RHOJ: variants seen among roughly 807,000 people sequenced by gnomAD.
RHOJ encodes the protein ras homolog family member J, also known as rho-related GTP-binding protein RhoJ.
In RHOJ, 11 loss-of-function variants were observed where a neutral mutation model predicts 23.4. The observed-to-expected ratio is 0.47, with a 90% CI of 0.30 to 0.78. The LOEUF is 0.78. Ranked by LOEUF, RHOJ falls within the 30% of genes least tolerant of loss-of-function variation. The probability of loss-of-function intolerance (pLI) is 0.08; values close to 1 mark genes in which losing one functional copy is unlikely to be tolerated. For missense variants in RHOJ, 254 were observed against 273.4 expected (o/e 0.93, Z 0.50); for synonymous variants, 102 against 102.7 (o/e 0.99, Z 0.04).
chr14:63,274,839 A>G (rs948476668), intron 2 of RHOJ, among the ~76,000 whole-genome samples: 1 of 152,166 alleles, frequency 6.6e-6, no homozygotes, highest in African/African-American at 2.4e-5. Context: ...CACACTATAC[A>G]TGGTGCCCAC....
At chr14:63,288,816 G>A (rs1161082582) in intron 4 of RHOJ, among the ~76,000 whole-genome samples, 1 of 152,184 alleles carries the variant, frequency 6.6e-6, no homozygotes. Flanking sequence ...GAGAGTTTAG[G>A]AAATAGTGTC....
At chr14:63,261,208 A>G (rs1895266265) in intron 1 of RHOJ, among the ~76,000 whole-genome samples, 1 of 151,926 alleles carries the variant, frequency 6.6e-6, no homozygotes, top group Non-Finnish European at 1.5e-5. Context: ...TTCTTTGTAA[A>G]TTGTCTATAT....
chr14:63,250,669 C>G (rs925195834), intron 1 of RHOJ, among the ~76,000 whole-genome samples: 2 of 152,194 alleles, frequency 1.3e-5, no homozygotes, highest in African/African-American at 4.8e-5. Flanking sequence ...CTTGCACACT[C>G]AACTTACTGC....
intron 1 of RHOJ, among the ~76,000 whole-genome samples, chr14:63,246,501 A>G (rs1894978483): frequency 1.3e-5 from 2 of 152,164 alleles, no homozygotes; most frequent in Non-Finnish European, 2.9e-5. Context: ...TTCTTGGAAA[A>G]ATTACAAAAC....
At chr14:63,240,934 G>A (rs1048057998) in intron 1 of RHOJ, among the ~76,000 whole-genome samples, 1 of 152,210 alleles carries the variant, frequency 6.6e-6, no homozygotes, top group Non-Finnish European at 1.5e-5. Context: ...GTTCAACAGT[G>A]GACTAAGTAT....
intron 4 of RHOJ, among the ~76,000 whole-genome samples, chr14:63,285,506 A>G (rs529551928): frequency 1.3e-5 from 2 of 152,158 alleles, no homozygotes; most frequent in South Asian, 2.1e-4. Flanking sequence ...TCCACCTAAC[A>G]TCTCTTTTTG....
intron 1 of RHOJ, among the ~76,000 whole-genome samples, chr14:63,253,179 G>C (rs371361921): frequency 3.9e-5 from 6 of 152,316 alleles, no homozygotes; most frequent in Middle Eastern, 3.4e-3. Context: ...TATCGGTCCT[G>C]AGCCTAAGGC....
intron 1 of RHOJ, among the ~76,000 whole-genome samples, chr14:63,217,308 A>G (rs544608660): frequency 6.9e-6 from 1 of 145,608 alleles, no homozygotes; most frequent in African/African-American, 2.5e-5. Flanking sequence ...TCATTGTTCA[A>G]TTCCCACCTA....
intron 2 of RHOJ, among the ~76,000 whole-genome samples, chr14:63,279,085 T>A (rs1881819187): frequency 6.6e-6 from 1 of 152,252 alleles, no homozygotes; most frequent in African/African-American, 2.4e-5. Flanking sequence ...ATATCAGGGA[T>A]GAAAACAAGC....
intron 2 of RHOJ, among the ~76,000 whole-genome samples, chr14:63,269,784 G>A (rs1458309588): frequency 3.3e-5 from 5 of 152,162 alleles, no homozygotes. Flanking sequence ...TGGAGAAACT[G>A]GCCCACCAAT....
chr14:63,243,668 A>G (rs1894924818), intron 1 of RHOJ, among the ~76,000 whole-genome samples: 1 of 152,138 alleles, frequency 6.6e-6, no homozygotes, highest in South Asian at 2.1e-4. Flanking sequence ...TGCACCAAAG[A>G]GGAGTTAACC....
Position 63,206,851 on chromosome 14 carries a change from A to T in RHOJ, c.178+1804A>T, listed in dbSNP as rs1594746886. 2.0e-5 allele frequency among the ~76,000 whole-genome samples: 3 copies of T among 152,214 alleles called. No homozygotes were observed. In the South Asian group the frequency reaches 6.2e-4, roughly 31 times the overall value. The stretch of plus-strand genomic sequence containing the variant: ...TAGCTCCCAAGAAATCACAGCCACT[A>T]TACTCAGAGCAATACTTTGCACATA... On this transcript the variant is annotated intron_variant, in intron 1 of 4. Coordinates refer to ENST00000316754, the MANE Select transcript of RHOJ (RefSeq NM_020663.5).
chr14:63,232,148 A>G (rs1415182951), intron 1 of RHOJ, among the ~76,000 whole-genome samples: 1 of 152,190 alleles, frequency 6.6e-6, no homozygotes, highest in African/African-American at 2.4e-5. Context: ...AAAGCTCCAT[A>G]CACTATGAGT....
intron 1 of RHOJ, among the ~76,000 whole-genome samples, chr14:63,219,750 A>G (rs1470422425): frequency 6.6e-6 from 1 of 150,798 alleles, no homozygotes; most frequent in Non-Finnish European, 1.5e-5. Flanking sequence ...CAGGAGGCGG[A>G]GGTTGCAGTG....
chr14:63,205,018 A>G lies in RHOJ; in HGVS notation c.149A>G (p.Tyr50Cys), dbSNP rs755538328. 1 of 1,614,090 alleles carries G rather than the reference A, an allele frequency of 6.2e-7. No individual in the cohort carries two copies. Among genetic ancestry groups the G allele is most frequent in the East Asian group, 2.2e-5 (1 of 44,902 alleles). The change falls in exon 1 of 5, where the codon TAC becomes TGC. Residue 50 changes from tyrosine (Y) to cysteine (C), a missense_variant. Physicochemically the swap from Tyr to Cys is radical, Grantham distance 194. Transcript: ENST00000316754. Reference protein sequence around the residue: ...SYANDAFPEEYVPTVFDHYAV... With the variant: ...SYANDAFPEECVPTVFDHYAV... The stretch of plus-strand genomic sequence containing the variant: ...GCCAACGACGCCTTCCCAGAGGAAT[A>G]CGTGCCCACTGTGTTTGACCACTAT...
chr14:63,277,353 G>C lies in RHOJ; in HGVS notation c.238-3618G>C, dbSNP rs117167143. Among the ~76,000 whole-genome samples the C allele has an allele frequency of 9.6e-4, 146 of 152,288 alleles. 4 individuals are homozygous for C. The East Asian group carries it at 0.026, about 28-fold the overall frequency. ...TTGGGTGCATCCTCCATTAATGTTG[G>C]AGATGATAGTGAAGTACAGCCGTGT... On this transcript the variant is annotated intron_variant, in intron 2 of 4. Coordinates refer to ENST00000316754, the MANE Select transcript of RHOJ (RefSeq NM_020663.5).
intron 1 of RHOJ, among the ~76,000 whole-genome samples, chr14:63,233,835 C>T (rs1386918133): frequency 6.6e-6 from 1 of 152,176 alleles, no homozygotes; most frequent in Non-Finnish European, 1.5e-5. Flanking sequence ...ACAACAACAA[C>T]AAATCCAAGC....
intron 3 of RHOJ, 88 bp from the exon 4 acceptor site, chr14:63,283,033 A>G: frequency 9.6e-7 from 1 of 1,046,896 alleles, no homozygotes; most frequent in Admixed American, 2.0e-5. Context: ...AGATGTTAAC[A>G]GGGAAAAAGA....
chr14:63,216,893 G>A, intron 1 of RHOJ, among the ~76,000 whole-genome samples: 1 of 151,980 alleles, frequency 6.6e-6, no homozygotes, highest in East Asian at 1.9e-4. Context: ...AGGCTGGTTA[G>A]AGCCATTTTC....
Sources: gnomAD v4.1 joint callset for allele counts (sites outside exome capture counted in the v4.1 genomes callset) on GRCh38, gnomAD v4.1.1 for gene constraint, MANE v1.5 for transcripts, NCBI Gene and HGNC (gene_info 2026-07-23, HGNC 2026-07-21) for gene names.